SLC4A4: variants seen among roughly 807,000 people sequenced by gnomAD.
SLC4A4 encodes electrogenic sodium bicarbonate cotransporter 1.
SLC4A4 carries 27 observed loss-of-function variants against 111.5 expected under a neutral mutation model. That is an observed-to-expected ratio of 0.24 (90% CI 0.18 to 0.33). The LOEUF is 0.33. Among genes scored for constraint, SLC4A4 ranks in the 10% least tolerant of loss-of-function variants. SLC4A4 has a pLI of 1.00. For missense variants in SLC4A4, 909 were observed against 1,315.5 expected (o/e 0.69, Z 4.78); for synonymous variants, 443 against 463.4 (o/e 0.96, Z 0.57).
intron 2 of SLC4A4, among the ~76,000 whole-genome samples, chr4:71,110,411 G>A (rs1352771061): frequency 6.6e-6 from 1 of 152,018 alleles, no homozygotes; most frequent in Non-Finnish European, 1.5e-5. Context: ...TCACCATGTT[G>A]CTCAGGCTGG....
In SLC4A4 at chr4:71,548,222, C is replaced by A. The variant is rs540282138; in HGVS notation, c.2694+502C>A. On this transcript the variant is annotated intron_variant, in intron 20 of 25. Coordinates refer to ENST00000264485, the MANE Select transcript of SLC4A4 (RefSeq NM_001098484.3). ...TACTTTGTTTCTATTTTATTTGAAT[C>A]AGATGGCCTTATAATTCACAAAGGT... Among the ~76,000 whole-genome samples, 5 of 151,932 alleles carry A rather than the reference C, an allele frequency of 3.3e-5. No homozygotes were observed. The South Asian group carries it at 1.0e-3, about 31-fold the overall frequency.
chr4:71,105,539 A>C (rs1044723206), intron 2 of SLC4A4, among the ~76,000 whole-genome samples: 1 of 150,990 alleles, frequency 6.6e-6, no homozygotes, highest in South Asian at 2.1e-4. Context: ...AGGCTACAGT[A>C]ACCAAAACAG....
intron 3 of SLC4A4, chr4:71,301,111 C>T: frequency 2.6e-6 from 1 of 378,744 alleles, no homozygotes; most frequent in Non-Finnish European, 5.3e-6. Context: ...TGGCTGTCCA[C>T]ATGGCACAGT....
At chr4:71,479,902 G>A (rs1007781450) in intron 14 of SLC4A4, among the ~76,000 whole-genome samples, 3 of 151,656 alleles carry the variant, frequency 2.0e-5, no homozygotes, top group African/African-American at 7.3e-5. Flanking sequence ...TTTGGGTTGT[G>A]TAAAAGCAGA....
At chr4:71,088,825 G>T (rs1410741535) in intron 1 of SLC4A4, among the ~76,000 whole-genome samples, 3 of 151,934 alleles carry the variant, frequency 2.0e-5, no homozygotes, top group Non-Finnish European at 2.9e-5. Flanking sequence ...TTTCTCTCTG[G>T]CTGCCCTTAA....
intron 7 of SLC4A4, among the ~76,000 whole-genome samples, chr4:71,404,962 A>AT (rs34034346): frequency 2.6e-4 from 38 of 148,450 alleles, no homozygotes; most frequent in African/African-American, 6.7e-4. Context: ...TACCCAGCTA[A>AT]TTTTTTTTTT....
At chr4:71,370,035 A>G (rs1045532368) in intron 6 of SLC4A4, among the ~76,000 whole-genome samples, 1 of 152,236 alleles carries the variant, frequency 6.6e-6, no homozygotes, top group Non-Finnish European at 1.5e-5. Context: ...AAGGAAAAGT[A>G]TGAGTTTGAT....
chr4:71,378,253 G>A (rs1732603794), intron 6 of SLC4A4, among the ~76,000 whole-genome samples: 2 of 152,158 alleles, frequency 1.3e-5, no homozygotes, highest in Admixed American at 1.3e-4. Context: ...TATTTGGTGG[G>A]CAGCACTAAT....
At chr4:71,206,813 T>G (rs997403226) in intron 1 of SLC4A4, among the ~76,000 whole-genome samples, 7 of 151,488 alleles carry the variant, frequency 4.6e-5, no homozygotes, top group East Asian at 3.9e-4. Context: ...TTATTATTAT[T>G]ATTATTATTA....
intron 20 of SLC4A4, among the ~76,000 whole-genome samples, chr4:71,551,365 C>G (rs1437914756): frequency 6.6e-6 from 1 of 151,802 alleles, no homozygotes; most frequent in African/African-American, 2.4e-5. Context: ...CAATATGTCA[C>G]TTTGTTCAGT....
chr4:71,511,507 C>G (rs1731914783), intron 16 of SLC4A4, among the ~76,000 whole-genome samples: 1 of 151,858 alleles, frequency 6.6e-6, no homozygotes, highest in African/African-American at 2.4e-5. Context: ...CTAATTTTCT[C>G]TAAACTTAAA....
At chr4:71,425,150 A>T (rs1319024334) in intron 7 of SLC4A4, among the ~76,000 whole-genome samples, 1 of 152,128 alleles carries the variant, frequency 6.6e-6, no homozygotes, top group Non-Finnish European at 1.5e-5. Context: ...GTATTTGTCC[A>T]GGCTATTCAG....
chr4:71,536,783 C>T (rs1734543512), intron 18 of SLC4A4, among the ~76,000 whole-genome samples: 1 of 151,544 alleles, frequency 6.6e-6, no homozygotes, highest in South Asian at 2.1e-4. Flanking sequence ...CATGAGCCAC[C>T]ATGCCTGGCC....
chr4:71,459,440 T>C lies in SLC4A4; in HGVS notation c.1497+5771T>C, dbSNP rs1435170074. 3.3e-5 allele frequency among the ~76,000 whole-genome samples: 5 copies of C among 152,148 alleles called. No homozygotes were observed. In the East Asian group the frequency reaches 9.7e-4, roughly 29 times the overall value. On this transcript the variant is annotated intron_variant, in intron 12 of 25. Transcript: ENST00000264485. ...TTTCCCATACATCTTAAAATTCATGTGTATACAGATAGATTGACATAAAGG... is the reference window on the plus strand; with the variant it reads ...TTTCCCATACATCTTAAAATTCATGCGTATACAGATAGATTGACATAAAGG...
intron 4 of SLC4A4, among the ~76,000 whole-genome samples, 156 bp downstream of exon 4, chr4:71,339,661 T>C (rs1470977018): frequency 1.3e-5 from 2 of 152,196 alleles, no homozygotes; most frequent in African/African-American, 4.8e-5. Context: ...TATTTCTTCT[T>C]TTCTTTTTTG....
At chr4:71,206,235 A>G (rs1050038743) in intron 1 of SLC4A4, among the ~76,000 whole-genome samples, 2 of 152,112 alleles carry the variant, frequency 1.3e-5, no homozygotes, top group Non-Finnish European at 2.9e-5. Context: ...TTGGAATATA[A>G]GAGAATCATT....
chr4:71,179,560 A>ACCAG (rs1745218282), intron 2 of SLC4A4, among the ~76,000 whole-genome samples: 1 of 137,332 alleles, frequency 7.3e-6, no homozygotes, highest in African/African-American at 3.5e-5. Flanking sequence ...ATATACCAAT[A>ACCAG]ACAGACAGAG....
chr4:71,297,739 C>A (rs1240324361), intron 3 of SLC4A4, among the ~76,000 whole-genome samples: 1 of 151,884 alleles, frequency 6.6e-6, no homozygotes, highest in African/African-American at 2.4e-5. Context: ...AGGGATGTGC[C>A]ACCACCCCTG....
At chr4:71,091,856 C>A (rs922484392) in intron 1 of SLC4A4, among the ~76,000 whole-genome samples, 1 of 152,158 alleles carries the variant, frequency 6.6e-6, no homozygotes, top group Non-Finnish European at 1.5e-5. Flanking sequence ...GTAATAACAA[C>A]AAAACATTTT....
Sources: allele counts gnomAD v4.1 joint callset (sites outside exome capture counted in the v4.1 genomes callset), GRCh38; gene constraint gnomAD v4.1.1; transcripts MANE v1.5; gene names NCBI Gene and HGNC (gene_info 2026-07-23, HGNC 2026-07-21).